Variants in RBMS3 observed in about 807,000 individuals in gnomAD.
The protein encoded by RBMS3 is RNA binding motif single stranded interacting protein 3.
A neutral mutation model predicts 66.8 loss-of-function variants in RBMS3; 27 were observed. The ratio of observed to expected loss-of-function variants is 0.40; its 90% CI spans 0.30 to 0.56. RBMS3 has a LOEUF of 0.56. Ranked by LOEUF, RBMS3 falls within the 20% of genes least tolerant of loss-of-function variation. The probability of loss-of-function intolerance (pLI) is 0.40; values close to 1 mark genes in which losing one functional copy is unlikely to be tolerated. For synonymous variants in RBMS3, 188 were observed against 183.0 expected (o/e 1.03, Z -0.22); for missense variants, 513 against 549.5 (o/e 0.93, Z 0.66).
intron 3 of RBMS3, among the ~76,000 whole-genome samples, chr3:29,529,797 A>G (rs901658258): frequency 1.3e-5 from 2 of 152,188 alleles, no homozygotes; most frequent in African/African-American, 4.8e-5. Flanking sequence ...AAATATTACA[A>G]TGGTGAAATT....
At chr3:29,569,420 A>C (rs553816756) in intron 3 of RBMS3, among the ~76,000 whole-genome samples, 1 of 152,154 alleles carries the variant, frequency 6.6e-6, no homozygotes, top group East Asian at 1.9e-4. Flanking sequence ...GAGACAACAT[A>C]TCTTTGTTGA....
chr3:29,901,895 C>T (rs912015641), intron 10 of RBMS3, among the ~76,000 whole-genome samples: 32 of 151,782 alleles, frequency 2.1e-4, no homozygotes, highest in African/African-American at 7.3e-4. Flanking sequence ...TTTGTACCAT[C>T]AATCATTTCC....
chr3:29,574,663 T>C (rs2047056025), intron 3 of RBMS3, among the ~76,000 whole-genome samples: 1 of 152,096 alleles, frequency 6.6e-6, no homozygotes, highest in Non-Finnish European at 1.5e-5. Context: ...GTCTTCCTTT[T>C]AGTGAATGTG....
intron 3 of RBMS3, among the ~76,000 whole-genome samples, chr3:29,555,245 A>G (rs2046315485): frequency 6.6e-6 from 1 of 152,234 alleles, no homozygotes; most frequent in Non-Finnish European, 1.5e-5. Flanking sequence ...TGAATAGTGC[A>G]TAGCATTTGG....
intron 4 of RBMS3, among the ~76,000 whole-genome samples, chr3:29,618,797 C>T (rs867397869): frequency 2.6e-5 from 4 of 152,122 alleles, no homozygotes; most frequent in Non-Finnish European, 5.9e-5. Flanking sequence ...AAATACCTAC[C>T]GTGCAGCCCA....
intron 6 of RBMS3, among the ~76,000 whole-genome samples, chr3:29,828,066 A>ATG (rs971969000): frequency 5.3e-5 from 8 of 150,980 alleles, no homozygotes; most frequent in African/African-American, 1.7e-4. Context: ...GTGTGTGTGT[A>ATG]TGTGTGTGTG....
At chr3:29,476,558 CAAAT>C (rs1260542143) in intron 2 of RBMS3, among the ~76,000 whole-genome samples, 2 of 152,120 alleles carry the variant, frequency 1.3e-5, no homozygotes, top group African/African-American at 4.8e-5. Context: ...TTTGGAGTGA[CAAAT>C]AACAGCTTTA....
chr3:29,461,940 T>G (rs2042383641), intron 2 of RBMS3, among the ~76,000 whole-genome samples: 1 of 138,080 alleles, frequency 7.2e-6, no homozygotes, highest in Non-Finnish European at 1.6e-5. Context: ...TTTTTTTTTT[T>G]TTTTTTTTTG....
chr3:29,975,818 T>G (rs1303591725), intron 12 of RBMS3, among the ~76,000 whole-genome samples: 1 of 151,990 alleles, frequency 6.6e-6, no homozygotes, highest in Non-Finnish European at 1.5e-5. Context: ...TTCCACATTC[T>G]AAGTCCTTTG....
intron 4 of RBMS3, among the ~76,000 whole-genome samples, chr3:29,635,001 T>C (rs1485769762): frequency 6.6e-6 from 1 of 151,916 alleles, no homozygotes; most frequent in African/African-American, 2.4e-5. Flanking sequence ...TACTTCTCAC[T>C]TGTATAATTT....
chr3:29,410,702 A>G (rs1267743118), intron 1 of RBMS3, among the ~76,000 whole-genome samples: 3 of 152,240 alleles, frequency 2.0e-5, no homozygotes, highest in African/African-American at 4.8e-5. Context: ...GAAAGTACAT[A>G]TTACTTTTTA....
chr3:29,908,221 A>G (rs7610139), intron 10 of RBMS3, among the ~76,000 whole-genome samples: 7,098 of 152,014 alleles, frequency 0.047, 199 homozygotes, highest in African/African-American at 0.072. Context: ...ACTGTACTCC[A>G]GCCTGAGCAA....
intron 1 of RBMS3, among the ~76,000 whole-genome samples, chr3:29,373,230 A>G (rs999637398): frequency 6.6e-6 from 1 of 152,168 alleles, no homozygotes; most frequent in African/African-American, 2.4e-5. Flanking sequence ...CCCACTGATC[A>G]TGGGCAATCC....
chr3:29,779,791 A>T (rs1361483624), intron 6 of RBMS3, among the ~76,000 whole-genome samples: 1 of 148,380 alleles, frequency 6.7e-6, no homozygotes, highest in Non-Finnish European at 1.5e-5. Flanking sequence ...GCACAAAAAG[A>T]TTGTATACTT....
At chr3:29,877,316 A>G (rs1005957832) in intron 7 of RBMS3, among the ~76,000 whole-genome samples, 1 of 152,196 alleles carries the variant, frequency 6.6e-6, no homozygotes, top group Non-Finnish European at 1.5e-5. Flanking sequence ...AAGTAACACT[A>G]AAGAAGAAAT....
At chr3:29,712,810 G>A (rs1197772279) in intron 4 of RBMS3, among the ~76,000 whole-genome samples, 1 of 152,132 alleles carries the variant, frequency 6.6e-6, no homozygotes, top group Non-Finnish European at 1.5e-5. Flanking sequence ...CAGACTCTGA[G>A]ACTGACACCA....
chr3:29,680,723 C>T lies in RBMS3; in HGVS notation c.400-58997C>T, dbSNP rs117659292. Reference sequence around the variant, plus strand: ...TACTATTCTTGTTTTATTATATGCCCGTCACTCTTTCATTCATCCTATTTT... The same window carrying T: ...TACTATTCTTGTTTTATTATATGCCTGTCACTCTTTCATTCATCCTATTTT... On this transcript the variant is annotated intron_variant, in intron 4 of 14. Transcript: ENST00000383767. 6.6e-4 allele frequency among the ~76,000 whole-genome samples: 101 copies of T among 152,112 alleles called. 2 individuals carry two copies. In the East Asian group the frequency reaches 0.017, roughly 25 times the overall value.
chr3:29,922,603 A>T (rs1577155350), intron 10 of RBMS3, among the ~76,000 whole-genome samples: 1 of 152,218 alleles, frequency 6.6e-6, no homozygotes, highest in Non-Finnish European at 1.5e-5. Flanking sequence ...AATATCTTTT[A>T]AAAAGTTATG....
intron 3 of RBMS3, among the ~76,000 whole-genome samples, chr3:29,541,403 G>A (rs2045750979): frequency 6.6e-6 from 1 of 151,106 alleles, no homozygotes; most frequent in Admixed American, 6.6e-5. Context: ...TAGGCCTAAT[G>A]TCTCAAGTTA....
Sources: allele counts gnomAD v4.1 joint callset (sites outside exome capture counted in the v4.1 genomes callset), GRCh38; gene constraint gnomAD v4.1.1; transcripts MANE v1.5; gene names NCBI Gene and HGNC (gene_info 2026-07-23, HGNC 2026-07-21).